Variants in UBXN2B observed in about 807,000 individuals in gnomAD.
UBXN2B encodes the protein UBX domain-containing protein 2B.
A neutral mutation model predicts 37.5 loss-of-function variants in UBXN2B; 19 were observed. The observed-to-expected ratio is 0.51, with a 90% CI of 0.35 to 0.74. UBXN2B has a LOEUF of 0.74. UBXN2B is among the 30% of genes least tolerant of loss of function. UBXN2B has a pLI of 0.01. For synonymous variants in UBXN2B, 145 were observed against 143.8 expected (o/e 1.01, Z -0.06); for missense variants, 370 against 393.2 (o/e 0.94, Z 0.50).
chr8:58,424,959 C>T, intron 2 of UBXN2B: 2 of 805,318 alleles, frequency 2.5e-6, no homozygotes, highest in Non-Finnish European at 4.5e-6. Context: ...GAATATCAAT[C>T]ACAACGTATG....
intron 2 of UBXN2B, among the ~76,000 whole-genome samples, chr8:58,427,380 T>C (rs565234771): frequency 1.3e-5 from 2 of 152,294 alleles, no homozygotes; most frequent in African/African-American, 2.4e-5. Flanking sequence ...GCAGGATAGC[T>C]TGAGTCCAAG....
chr8:58,425,381 G>A, intron 2 of UBXN2B: 1 of 1,130,518 alleles, frequency 8.8e-7, no homozygotes, highest in Non-Finnish European at 1.4e-6. Flanking sequence ...AGGCAGCCTT[G>A]TGTGGCAATG....
chr8:58,423,459 G>A (rs1449371951), intron 2 of UBXN2B, among the ~76,000 whole-genome samples: 15 of 149,560 alleles, frequency 1.0e-4, no homozygotes, highest in East Asian at 3.9e-4. Context: ...TTTTTGACAC[G>A]GAGTCTTGCA....
chr8:58,425,311 A>T, intron 2 of UBXN2B: 1 of 1,159,990 alleles, frequency 8.6e-7, no homozygotes, highest in Non-Finnish European at 1.3e-6. Flanking sequence ...CGTTGTCATG[A>T]CAATCACTCA....
At chr8:58,422,508 G>A (rs543923397) in intron 2 of UBXN2B, among the ~76,000 whole-genome samples, 12 of 152,328 alleles carry the variant, frequency 7.9e-5, no homozygotes, top group South Asian at 2.1e-4. Context: ...CATATAAGGC[G>A]AAGAGGGATG....
intron 4 of UBXN2B, among the ~76,000 whole-genome samples, chr8:58,434,184 A>G (rs1808354026): frequency 6.6e-6 from 1 of 152,166 alleles, no homozygotes; most frequent in Non-Finnish European, 1.5e-5. Flanking sequence ...TGTTAAGCTG[A>G]ATGCAAACTA....
Position 58,411,485 on chromosome 8 carries a change from G to A in UBXN2B, c.84+16G>A. On this transcript the variant is annotated intron_variant, in intron 1 of 7. Coordinates refer to ENST00000399598, the MANE Select transcript of UBXN2B (RefSeq NM_001077619.2). Reference sequence around the variant, plus strand: ...GGATTTGCAGGTGAGGCGAGGAGCCGGGGGAGGGAGCGCGGCGGTGGACGC... The same window carrying A: ...GGATTTGCAGGTGAGGCGAGGAGCCAGGGGAGGGAGCGCGGCGGTGGACGC... 2 of 1,248,524 alleles carry A rather than the reference G, an allele frequency of 1.6e-6. No individual in the cohort carries two copies. The highest frequency in any genetic ancestry group is 2.0e-6 in the Non-Finnish European group (2 of 992,116). The allele number at this position is 1,248,524 out of a possible 1,614,324, so 77.3% of individuals were successfully genotyped here.
At chr8:58,439,434 G>GA (rs1412627386) in intron 5 of UBXN2B, among the ~76,000 whole-genome samples, 199 bp from the exon 6 acceptor site, 1 of 152,138 alleles carries the variant, frequency 6.6e-6, no homozygotes, top group African/African-American at 2.4e-5. Context: ...CCTATGTTGA[G>GA]AACCAGTAAG....
chr8:58,413,848 G>A (rs1024276409), intron 1 of UBXN2B, among the ~76,000 whole-genome samples: 1 of 152,144 alleles, frequency 6.6e-6, no homozygotes, highest in Admixed American at 6.5e-5. Flanking sequence ...AAAGTTAGGG[G>A]TGGGATTGTT....
intron 2 of UBXN2B, among the ~76,000 whole-genome samples, chr8:58,427,744 A>G (rs1301454779): frequency 1.3e-5 from 2 of 152,210 alleles, no homozygotes; most frequent in Non-Finnish European, 2.9e-5. Flanking sequence ...TTTAAATTCA[A>G]CACTGGACCA....
intron 2 of UBXN2B, chr8:58,425,531 T>G: frequency 9.2e-7 from 1 of 1,081,618 alleles, no homozygotes; most frequent in Non-Finnish European, 1.4e-6. Flanking sequence ...GGCAGGTTAT[T>G]TTTATATCTA....
chr8:58,416,560 G>T (rs1039347672), intron 1 of UBXN2B, among the ~76,000 whole-genome samples: 1 of 152,120 alleles, frequency 6.6e-6, no homozygotes, highest in Non-Finnish European at 1.5e-5. Context: ...GTTTAAATTT[G>T]AAAATGGTTT....
Position 58,434,363 on chromosome 8 carries a change from A to ATT in UBXN2B, c.424-31_424-30insTT, listed in dbSNP as rs751397162. 5 of 584,538 alleles carry ATT rather than the reference A, an allele frequency of 8.6e-6. No homozygotes were observed. In the African/African-American group the frequency reaches 1.6e-4, roughly 18 times the overall value. The allele number at this position is 584,538 out of a possible 1,614,324, so 36.2% of individuals were successfully genotyped here. A position where few individuals can be genotyped will look rare whatever the true frequency, so the allele number is the denominator to read the frequency against. ...TGTATATGTGAATATATATATATAT[A>ATT]TATATATTTTTTTTTTTTCTATACC... On this transcript the variant is annotated intron_variant, in intron 4 of 7. Transcript: ENST00000399598.
At chr8:58,428,532 C>T (rs1808164698) in intron 2 of UBXN2B, among the ~76,000 whole-genome samples, 1 of 152,176 alleles carries the variant, frequency 6.6e-6, no homozygotes, top group South Asian at 2.1e-4. Context: ...TGTCCCTTGT[C>T]CTCTGTGCTT....
chr8:58,437,953 C>A (rs995644882), intron 5 of UBXN2B, among the ~76,000 whole-genome samples: 1 of 150,802 alleles, frequency 6.6e-6, no homozygotes, highest in Non-Finnish European at 1.5e-5. Context: ...TAAGGCAGCC[C>A]CCCCCCCAAC....
intron 2 of UBXN2B, among the ~76,000 whole-genome samples, chr8:58,419,426 G>A (rs576449651): frequency 6.6e-6 from 1 of 152,264 alleles, no homozygotes; most frequent in East Asian, 1.9e-4. Context: ...TTCATTATCT[G>A]AAACTCTGGA....
chr8:58,449,512 G>C lies in UBXN2B; in HGVS notation c.*1961G>C, dbSNP rs1808757023. On this transcript the variant is annotated 3_prime_UTR_variant, in exon 8 of 8. Coordinates refer to ENST00000399598, the MANE Select transcript of UBXN2B (RefSeq NM_001077619.2). Reference sequence around the variant, plus strand: ...GGGAGAGGATCTGTGTGTGATTTCTGGGACATAATTCCAACTGTGCACTTG... The same window carrying C: ...GGGAGAGGATCTGTGTGTGATTTCTCGGACATAATTCCAACTGTGCACTTG... The C allele has an allele frequency of 6.6e-6, 1 of 152,144 alleles. No homozygotes were observed. Among genetic ancestry groups the C allele is most frequent in the African/African-American group, 2.4e-5 (1 of 41,438 alleles). The allele number at this position is 152,144 out of a possible 1,614,324, so 9.4% of individuals were successfully genotyped here. A position where few individuals can be genotyped will look rare whatever the true frequency, so the allele number is the denominator to read the frequency against.
intron 3 of UBXN2B, among the ~76,000 whole-genome samples, chr8:58,431,030 TTCTC>T (rs1225295180): frequency 2.0e-5 from 3 of 152,192 alleles, no homozygotes; most frequent in Non-Finnish European, 1.5e-5. Flanking sequence ...AATTTGGCAT[TTCTC>T]TCTGTCTATG....
Position 58,447,603 on chromosome 8 carries a change from A to G in UBXN2B, c.*52A>G, listed in dbSNP as rs1335269490. ...GTGGGAATAGATGATGTGCCGTATTAATAAGGACAATACTTCAGCATTAAA... is the reference window on the plus strand; with the variant it reads ...GTGGGAATAGATGATGTGCCGTATTGATAAGGACAATACTTCAGCATTAAA... On this transcript the variant is annotated 3_prime_UTR_variant, in exon 8 of 8. Coordinates refer to ENST00000399598, the MANE Select transcript of UBXN2B (RefSeq NM_001077619.2). 1.0e-5 allele frequency: 15 copies of G among 1,472,476 alleles called. No individual in the cohort carries two copies. Among genetic ancestry groups the G allele is most frequent in the African/African-American group, 8.4e-5 (6 of 71,756 alleles). 91.2% of individuals were successfully genotyped at this position (1,472,476 alleles called of 1,614,324 possible).
Sources: gnomAD v4.1 joint callset for allele counts (sites outside exome capture counted in the v4.1 genomes callset) on GRCh38, gnomAD v4.1.1 for gene constraint, MANE v1.5 for transcripts, NCBI Gene and HGNC (gene_info 2026-07-23, HGNC 2026-07-21) for gene names.